Variants in UGT1A5 observed in about 807,000 individuals in gnomAD.
The protein encoded by UGT1A5 is UDP-glucuronosyltransferase 1A5.
Under a neutral mutation model 40.3 loss-of-function variants are expected in UGT1A5, and 29 were observed. The observed-to-expected ratio is 0.72, with a 90% confidence interval of 0.54 to 0.98. UGT1A5 has a LOEUF of 0.98. Among genes scored for constraint, UGT1A5 ranks in the 50% least tolerant of loss-of-function variants. The pLI, the probability that UGT1A5 is intolerant of heterozygous loss-of-function variation, is 0.00. For missense variants in UGT1A5, 678 were observed against 677.9 expected, an observed-to-expected ratio of 1.00 and a Z score of 0.00; for synonymous variants, 257 against 262.5, an observed-to-expected ratio of 0.98 and a Z score of 0.20.
At chr2:233,747,868 C>T (rs1693797482) in intron 1 of UGT1A5, 2 of 1,613,534 alleles carry the variant, frequency 1.2e-6, no homozygotes, top group Non-Finnish European at 1.7e-6. Flanking sequence ...TACCCTCTGG[C>T]CCTGTCCTAC....
At chr2:233,750,502 A>T (rs1694477607) in intron 1 of UGT1A5, 1 of 152,122 alleles carries the variant, frequency 6.6e-6, no homozygotes, top group East Asian at 1.9e-4. Context: ...GAGGAGCCAA[A>T]TGTTAATTGC....
chr2:233,726,224 T>G (rs1237222644), intron 1 of UGT1A5, among the ~76,000 whole-genome samples: 2 of 152,154 alleles, frequency 1.3e-5, no homozygotes, highest in Non-Finnish European at 2.9e-5. Context: ...TAGAAAACAT[T>G]TTTTAAAACT....
chr2:233,718,923 C>G, intron 1 of UGT1A5: 1 of 1,614,082 alleles, frequency 6.2e-7, no homozygotes, highest in Admixed American at 1.7e-5. Context: ...GTTGGTGGTG[C>G]CCACTGATGG....
chr2:233,713,283 C>T lies in UGT1A5; in HGVS notation c.292C>T (p.Gln98Ter), dbSNP rs764319623. 6.2e-7 allele frequency: 1 copy of T among 1,614,222 alleles called. No individual in the cohort carries two copies. The highest frequency in any genetic ancestry group is 8.5e-7 in the Non-Finnish European group (1 of 1,180,042). Residue 98 changes from glutamine (Q) to a stop codon, truncating the protein, a stop_gained, in exon 1 of 5, where the codon CAA becomes TAA. Coordinates refer to ENST00000373414, the MANE Select transcript of UGT1A5 (RefSeq NM_019078.2). LOFTEE classifies it high-confidence loss of function. ...TGATCGCCTTTTGCTGGGTCACACT[C>T]AATCGTTCTTTGAAACAGAACATCT... The part of the protein sequence containing the change: ...EFDRLLLGHT[Q>*]SFFETEHLLM...
At chr2:233,752,422 T>C (rs1694966934) in intron 1 of UGT1A5, 1 of 152,180 alleles carries the variant, frequency 6.6e-6, no homozygotes, top group Non-Finnish European at 1.5e-5. Context: ...GAAAACCTGA[T>C]TTATCGAACC....
chr2:233,729,628 C>T (rs1214575776), intron 1 of UGT1A5: 3 of 1,613,774 alleles, frequency 1.9e-6, no homozygotes, highest in East Asian at 4.5e-5. Context: ...CCTGTCGATT[C>T]CTACTGTGTT....
chr2:233,761,198 T>G (rs1477470305), intron 1 of UGT1A5: 1 of 1,614,016 alleles, frequency 6.2e-7, no homozygotes, highest in African/African-American at 1.3e-5. Context: ...CTTTCAGATG[T>G]ATTACTTTGG....
chr2:233,764,530 T>C (rs572226432), intron 1 of UGT1A5, among the ~76,000 whole-genome samples: 7 of 152,338 alleles, frequency 4.6e-5, no homozygotes, highest in African/African-American at 1.7e-4. Flanking sequence ...ATCCTGCTGA[T>C]TGCTGAGTGG....
chr2:233,725,046 G>T (rs1307782959), intron 1 of UGT1A5, among the ~76,000 whole-genome samples: 2 of 147,958 alleles, frequency 1.4e-5, no homozygotes, highest in Non-Finnish European at 3.0e-5. Context: ...AACCAGTCAG[G>T]CGTGGCGGCG....
At chr2:233,753,145 T>C (rs1695138672) in intron 1 of UGT1A5, 1 of 152,202 alleles carries the variant, frequency 6.6e-6, no homozygotes, top group Non-Finnish European at 1.5e-5. Flanking sequence ...TCTTCACACA[T>C]GTAAGTTCCC....
chr2:233,716,479 C>T (rs977353468), intron 1 of UGT1A5, among the ~76,000 whole-genome samples: 2 of 152,108 alleles, frequency 1.3e-5, no homozygotes, highest in African/African-American at 4.8e-5. Context: ...TTCTGTCCTC[C>T]GTAGTCTTCT....
intron 1 of UGT1A5, among the ~76,000 whole-genome samples, chr2:233,714,275 A>G: frequency 6.6e-6 from 1 of 152,192 alleles, no homozygotes; most frequent in East Asian, 1.9e-4. Flanking sequence ...TGTTGACGTG[A>G]CAATTTTTAG....
At chr2:233,743,204 C>T (rs187896113) in intron 1 of UGT1A5, 20 of 388,964 alleles carry the variant, frequency 5.1e-5, no homozygotes, top group East Asian at 2.2e-4. Context: ...GGTGTCAATG[C>T]GGAGTAACTG....
At chr2:233,731,770 T>C (rs1223640583) in intron 1 of UGT1A5, among the ~76,000 whole-genome samples, 2 of 152,114 alleles carry the variant, frequency 1.3e-5, no homozygotes, top group Non-Finnish European at 2.9e-5. Context: ...CTTAGAGTAG[T>C]ATCATTTATA....
At chr2:233,755,244 C>T (rs952358626) in intron 1 of UGT1A5, 19 of 852,102 alleles carry the variant, frequency 2.2e-5, no homozygotes, top group African/African-American at 5.1e-5. Flanking sequence ...CCGGGGTACT[C>T]CCAGCACCTC....
At chr2:233,742,372 A>C (rs1691957505) in intron 1 of UGT1A5, among the ~76,000 whole-genome samples, 1 of 152,034 alleles carries the variant, frequency 6.6e-6, no homozygotes, top group South Asian at 2.1e-4. Context: ...ACATGTCCTT[A>C]AGGCACAGAT....
At chr2:233,757,567 T>TATATATATATATATATATATATA (rs1553619947) in intron 1 of UGT1A5, among the ~76,000 whole-genome samples, 8 of 142,914 alleles carry the variant, frequency 5.6e-5, no homozygotes, top group Non-Finnish European at 1.1e-4. Context: ...TATATGTATA[T>TATATATATATATATATATATATA]ATGATATAGC....
In UGT1A5 at chr2:233,746,430, T is replaced by C. The variant is rs141272199; in HGVS notation, c.868-20604T>C. On this transcript the variant is annotated intron_variant, in intron 1 of 4. Transcript: ENST00000373414. ...TCCAATGGTGACCTATTAACTTATG[T>C]CTTCAGCTTAAAAAGAAAGTACCTT... Among the ~76,000 whole-genome samples, 254 of 151,800 alleles carry C rather than the reference T, an allele frequency of 1.7e-3. 1 individual carries two copies. The highest frequency in any genetic ancestry group is 3.4e-3 in the Middle Eastern group (1 of 292).
rs557278496 is a variant in UGT1A5, at chr2:233,723,289, A to T, written c.867+9431A>T. On this transcript the variant is annotated intron_variant, in intron 1 of 4. Coordinates refer to ENST00000373414, the MANE Select transcript of UGT1A5 (RefSeq NM_019078.2). ...CAATGGCACGATGTTGGCTCACTGC[A>T]ACCTCTGCCTCCCAGGTTCAAGCAA... 6.7e-4 allele frequency among the ~76,000 whole-genome samples: 77 copies of T among 114,264 alleles called. 5 individuals carry two copies. The highest frequency in any genetic ancestry group is 9.8e-4 in the Non-Finnish European group (58 of 58,990). The allele number at this position is 114,264 out of a possible 152,430, so 75.0% of individuals were successfully genotyped here.
Sources: gnomAD v4.1 joint callset for allele counts (sites outside exome capture counted in the v4.1 genomes callset) on GRCh38, gnomAD v4.1.1 for gene constraint, MANE v1.5 for transcripts, NCBI Gene and HGNC (gene_info 2026-07-23, HGNC 2026-07-21) for gene names.